The following ICAM1 variants were observed in gnomAD, a reference collection of about 807,000 sequenced individuals.
ICAM1 encodes the protein intercellular adhesion molecule 1.
A neutral mutation model predicts 42.3 loss-of-function variants in ICAM1; 28 were observed. The ratio of observed to expected loss-of-function variants is 0.66; its 90% CI spans 0.49 to 0.91. ICAM1 has a LOEUF of 0.91. Ranked by LOEUF, ICAM1 falls within the 40% of genes least tolerant of loss-of-function variation. ICAM1 has a pLI of 0.00. For missense variants in ICAM1, 637 were observed against 688.6 expected (o/e 0.93, Z 0.84); for synonymous variants, 304 against 305.9 (o/e 0.99, Z 0.07).
At chr19:10,280,704 G>A (rs2040049722) in intron 2 of ICAM1, among the ~76,000 whole-genome samples, 1 of 151,930 alleles carries the variant, frequency 6.6e-6, no homozygotes, top group Admixed American at 6.6e-5. Flanking sequence ...TGAGTAGCTG[G>A]GATTACAGGC....
intron 2 of ICAM1, among the ~76,000 whole-genome samples, chr19:10,281,120 G>A (rs553535829): frequency 1.6e-4 from 25 of 151,688 alleles, no homozygotes; most frequent in East Asian, 1.9e-4. Context: ...TGATCCGCCC[G>A]CCTTGGCCTC....
At chr19:10,283,893 G>A (rs2040081479) in intron 3 of ICAM1, 107 bp downstream of exon 3, 9 of 1,436,070 alleles carry the variant, frequency 6.3e-6, no homozygotes, top group Non-Finnish European at 8.5e-6. Context: ...CGGCTAAGGG[G>A]TGCATGTGTT....
In ICAM1 at chr19:10,284,358, G is replaced by T. The variant is rs756826357; in HGVS notation, c.925+38G>T. The T allele has an allele frequency of 7.4e-6, 12 of 1,611,786 alleles. No homozygotes were observed. Among genetic ancestry groups the T allele is most frequent in the South Asian group, 2.2e-5 (2 of 91,082 alleles). On this transcript the variant is annotated intron_variant, in intron 4 of 6. Coordinates refer to ENST00000264832, the MANE Select transcript of ICAM1 (RefSeq NM_000201.3). This position sits in a 1 kb window ranked among gnomAD's most constrained non-coding sequence, Gnocchi z 5.4. ...AGGGGCGGAGTGGGGCTTCTTGGGG[G>T]TGTGACCTGAACCCGGGGCGGGGCT...
chr19:10,277,426 G>A (rs938977486), intron 2 of ICAM1, among the ~76,000 whole-genome samples: 4 of 152,026 alleles, frequency 2.6e-5, no homozygotes, highest in South Asian at 4.2e-4. Context: ...TGATCCGCCC[G>A]CCTCGGCCTC....
At chr19:10,278,352 G>A (rs1406040916) in intron 2 of ICAM1, among the ~76,000 whole-genome samples, 1 of 152,108 alleles carries the variant, frequency 6.6e-6, no homozygotes, top group Non-Finnish European at 1.5e-5. Flanking sequence ...GACAAAGGAT[G>A]TTCTCCTATC....
rs5030381 is a variant in ICAM1 at position 10,284,232 on chromosome 19, C to T, written c.837C>T (p.Thr279=). 2.3e-4 allele frequency: 375 copies of T among 1,613,944 alleles called. No homozygotes were observed. The African/African-American group carries it at 3.0e-3, about 13-fold the overall frequency. ...CGGCCAAGGCCTCAGTCAGTGTGAC[C>T]GCAGAGGACGAGGGCACCCAGCGGC... ...SFSAKASVSV[T]AEDEGTQRLT... The change falls in exon 4 of 7, where the codon ACC becomes ACT. Residue 279 remains threonine, a synonymous_variant. Coordinates refer to ENST00000264832, the MANE Select transcript of ICAM1 (RefSeq NM_000201.3). The surrounding 1 kb of genome is among the most constrained non-coding windows in gnomAD (Gnocchi z 5.4).
chr19:10,271,772 C>A (rs1363901172), intron 1 of ICAM1, among the ~76,000 whole-genome samples: 1 of 152,094 alleles, frequency 6.6e-6, no homozygotes, highest in African/African-American at 2.4e-5. Flanking sequence ...GTTCCTCATC[C>A]TCTCTGCCCC....
chr19:10,275,002 C>T lies in ICAM1; in HGVS notation c.305C>T (p.Thr102Ile). The change falls in exon 2 of 7, where the codon ACA becomes ATA. Residue 102 changes from threonine (T) to isoleucine (I), a missense_variant. Physicochemically the swap from Thr to Ile is moderately conservative, Grantham distance 89. Coordinates refer to ENST00000264832, the MANE Select transcript of ICAM1 (RefSeq NM_000201.3). ...CYSNCPDGQS[T>I]AKTFLTVYWT... ...TCAAACTGCCCTGATGGGCAGTCAACAGCTAAAACCTTCCTCACCGTGTAC... is the reference window on the plus strand; with the variant it reads ...TCAAACTGCCCTGATGGGCAGTCAATAGCTAAAACCTTCCTCACCGTGTAC... 4 of 1,614,040 alleles carry T rather than the reference C, an allele frequency of 2.5e-6. No individual in the cohort carries two copies. The highest frequency in any genetic ancestry group is 3.4e-6 in the Non-Finnish European group (4 of 1,180,034).
At chr19:10,279,653 T>C (rs1330366260) in intron 2 of ICAM1, among the ~76,000 whole-genome samples, 1 of 151,976 alleles carries the variant, frequency 6.6e-6, no homozygotes, top group Non-Finnish European at 1.5e-5. Flanking sequence ...CAGCTAATTT[T>C]TTTGTATTTT....
chr19:10,275,923 T>G (rs62130660), intron 2 of ICAM1, among the ~76,000 whole-genome samples: 58,366 of 150,706 alleles, frequency 0.39, 11,704 homozygotes, highest in Middle Eastern at 0.53. Flanking sequence ...TTAGCCAGGA[T>G]GGTCTCAATC....
In ICAM1 at chr19:10,284,221, G is replaced by A; in HGVS notation, c.826G>A (p.Val276Ile). The change falls in exon 4 of 7, where the codon GTC becomes ATC. Residue 276 changes from valine (V) to isoleucine (I), a missense_variant. Physicochemically the swap from Val to Ile is conservative, Grantham distance 29. Coordinates refer to ENST00000264832, the MANE Select transcript of ICAM1 (RefSeq NM_000201.3). This position sits in a 1 kb window ranked among gnomAD's most constrained non-coding sequence, Gnocchi z 5.4. ...GNDSFSAKASVSVTAEDEGTQ... is the reference protein window; with the variant it reads ...GNDSFSAKASISVTAEDEGTQ... ...CGACTCCTTCTCGGCCAAGGCCTCAGTCAGTGTGACCGCAGAGGACGAGGG... is the reference window on the plus strand; with the variant it reads ...CGACTCCTTCTCGGCCAAGGCCTCAATCAGTGTGACCGCAGAGGACGAGGG... 1.2e-6 allele frequency: 2 copies of A among 1,614,036 alleles called. 1 individual carries two copies. The highest frequency in any genetic ancestry group is 3.3e-4 in the Middle Eastern group (2 of 6,062).
At chr19:10,273,532 G>A (rs967704473) in intron 1 of ICAM1, among the ~76,000 whole-genome samples, 1 of 152,034 alleles carries the variant, frequency 6.6e-6, no homozygotes, top group Non-Finnish European at 1.5e-5. Flanking sequence ...GCCGGGTATG[G>A]TGGTGTCCTG....
Position 10,284,170 on chromosome 19 carries a change from T to C in ICAM1, c.775T>C (p.Leu259=), listed in dbSNP as rs754841136. The C allele has an allele frequency of 1.2e-6, 2 of 1,613,812 alleles. No individual in the cohort carries two copies. Among genetic ancestry groups the C allele is most frequent in the Non-Finnish European group, 1.7e-6 (2 of 1,179,994 alleles). ...QVHLALGDQR[L]NPTVTYGNDS... The stretch of plus-strand genomic sequence containing the variant: ...CCACCTGGCACTGGGGGACCAGAGG[T>C]TGAACCCCACAGTCACCTATGGCAA... The change falls in exon 4 of 7, where the codon TTG becomes CTG. Residue 259 remains leucine, a synonymous_variant. Coordinates refer to ENST00000264832, the MANE Select transcript of ICAM1 (RefSeq NM_000201.3). The surrounding 1 kb of genome is among the most constrained non-coding windows in gnomAD (Gnocchi z 5.4).
intron 2 of ICAM1, among the ~76,000 whole-genome samples, chr19:10,278,788 C>T (rs1451563633): frequency 1.3e-5 from 2 of 152,064 alleles, no homozygotes; most frequent in African/African-American, 4.8e-5. Context: ...GTGATCCACC[C>T]GCCTCAGCCT....
chr19:10,272,555 CTTTTCTTTTTT>C (rs1248773448), intron 1 of ICAM1, among the ~76,000 whole-genome samples: 2 of 108,548 alleles, frequency 1.8e-5, no homozygotes, highest in South Asian at 3.1e-4. Flanking sequence ...TCTTTCTTTT[CTTTTCTTTTTT>C]TTTTTTTTTT....
rs1269866645 is a variant in ICAM1, at chr19:10,284,439, A to T, written c.962A>T (p.Glu321Val). Reference sequence around the variant, plus strand: ...CCCAACGTGATTCTGACGAAGCCAGAGGTCTCAGAAGGGACCGAGGTGACA... The same window carrying T: ...CCCAACGTGATTCTGACGAAGCCAGTGGTCTCAGAAGGGACCGAGGTGACA... Reference protein sequence around the residue: ...PAPNVILTKPEVSEGTEVTVK... With the variant: ...PAPNVILTKPVVSEGTEVTVK... Residue 321 changes from glutamate to valine, a missense_variant, in exon 5 of 7, where the codon GAG (glutamate) becomes GTG (valine). Glu to Val is a moderately radical substitution (Grantham distance 121). Coordinates refer to ENST00000264832, the MANE Select transcript of ICAM1 (RefSeq NM_000201.3). The surrounding 1 kb of genome is among the most constrained non-coding windows in gnomAD (Gnocchi z 5.4). 6.2e-7 allele frequency: 1 copy of T among 1,613,788 alleles called. No homozygotes were observed. Among genetic ancestry groups the T allele is most frequent in the African/African-American group, 1.3e-5 (1 of 74,918 alleles).
Position 10,271,185 on chromosome 19 carries a change from C to T in ICAM1, c.26C>T (p.Ala9Val). 6.2e-7 allele frequency: 1 copy of T among 1,613,280 alleles called. No homozygotes were observed. Among genetic ancestry groups the T allele is most frequent in the Non-Finnish European group, 8.5e-7 (1 of 1,179,828 alleles). Residue 9 changes from alanine (A) to valine (V), a missense_variant, in exon 1 of 7, where the codon GCG becomes GTG. Ala to Val is a moderately conservative substitution (Grantham distance 64). Transcript: ENST00000264832. MAPSSPRP[A>V]LPALLVLLGA... ...ATGGCTCCCAGCAGCCCCCGGCCCG[C>T]GCTGCCCGCACTCCTGGTCCTGCTC...
At chr19:10,283,990 G>A (rs1376280085) in intron 3 of ICAM1, 43 bp from the exon 4 acceptor site, 5 of 1,581,732 alleles carry the variant, frequency 3.2e-6, no homozygotes, top group Non-Finnish European at 4.3e-6. Flanking sequence ...AAGGGCTTCG[G>A]GACGTCCATC....
intron 2 of ICAM1, among the ~76,000 whole-genome samples, chr19:10,278,549 T>TTTTTA: frequency 2.4e-5 from 1 of 40,964 alleles, no homozygotes; most frequent in Non-Finnish European, 5.5e-5. Flanking sequence ...CTGATAGGTC[T>TTTTTA]TTTTTTTTTT....
Sources: allele counts gnomAD v4.1 joint callset (sites outside exome capture counted in the v4.1 genomes callset), GRCh38; gene constraint gnomAD v4.1.1; non-coding constraint Gnocchi (gnomAD v3.1); transcripts MANE v1.5; gene names NCBI Gene and HGNC (gene_info 2026-07-23, HGNC 2026-07-21).